Variants in RAPGEF1 observed in about 807,000 individuals in gnomAD.
RAPGEF1 encodes the protein CRK SH3-binding GNRP.
A neutral mutation model predicts 143.3 loss-of-function variants in RAPGEF1; 33 were observed. The observed-to-expected ratio is 0.23, with a 90% CI of 0.17 to 0.31. The LOEUF is 0.31. Among genes scored for constraint, RAPGEF1 ranks in the 10% least tolerant of loss-of-function variants. The probability of loss-of-function intolerance (pLI) is 1.00; values close to 1 mark genes in which losing one functional copy is unlikely to be tolerated. For synonymous variants in RAPGEF1, 629 were observed against 676.5 expected, an observed-to-expected ratio of 0.93 and a Z score of 1.09; for missense variants, 1,199 against 1,645.4, an observed-to-expected ratio of 0.73 and a Z score of 4.69.
intron 1 of RAPGEF1, among the ~76,000 whole-genome samples, chr9:131,696,724 T>C (rs1834210914): frequency 6.6e-6 from 1 of 152,238 alleles, no homozygotes; most frequent in Non-Finnish European, 1.5e-5. Context: ...AGTAGGTGTC[T>C]GATAAATACA....
At chr9:131,599,228 C>T (rs1209487766) in intron 15 of RAPGEF1, among the ~76,000 whole-genome samples, 1 of 151,818 alleles carries the variant, frequency 6.6e-6, no homozygotes. Context: ...GGGCTCAAGC[C>T]ATCCTCCCAC....
chr9:131,631,397 C>T (rs553038174), intron 5 of RAPGEF1, among the ~76,000 whole-genome samples: 7 of 152,340 alleles, frequency 4.6e-5, no homozygotes, highest in Middle Eastern at 3.4e-3. Flanking sequence ...TTGCCTGCTC[C>T]GTCCCCCGAG....
chr9:131,710,900 G>T (rs911587857), intron 1 of RAPGEF1, among the ~76,000 whole-genome samples: 2 of 152,142 alleles, frequency 1.3e-5, no homozygotes, highest in African/African-American at 2.4e-5. Context: ...GGCTTTGCCA[G>T]TTGAGCACAG....
At chr9:131,658,400 T>C (rs1973104857) in intron 1 of RAPGEF1, among the ~76,000 whole-genome samples, 2 of 152,206 alleles carry the variant, frequency 1.3e-5, no homozygotes. Context: ...CTATCTAATC[T>C]GTGAGAGCAA....
At position 131,675,186 on chromosome 9, in the gene RAPGEF1, G is replaced by A. The variant is rs1832112098; in HGVS notation, c.62-24237C>T. On this transcript the variant is annotated intron_variant, in intron 1 of 26. Transcript: ENST00000683357. The surrounding 1 kb of genome is among the most constrained non-coding windows in gnomAD (Gnocchi z 4.6). ...TGGCTAGATTTGCTGCACTTGGCTG[G>A]ATTTGCGCTGTATTTCTCGTGGGGA... Among the ~76,000 whole-genome samples, 1 of 152,156 alleles carries A rather than the reference G, an allele frequency of 6.6e-6. No individual in the cohort carries two copies.
intron 25 of RAPGEF1, among the ~76,000 whole-genome samples, chr9:131,580,809 G>A (rs1377596934): frequency 2.0e-5 from 3 of 152,150 alleles, no homozygotes; most frequent in Admixed American, 6.5e-5. Flanking sequence ...TGTAATCCCA[G>A]TACTATAGGA....
chr9:131,672,698 G>A (rs1385533761), intron 1 of RAPGEF1, among the ~76,000 whole-genome samples: 2 of 152,310 alleles, frequency 1.3e-5, no homozygotes, highest in East Asian at 3.9e-4. Flanking sequence ...CTTTGACTTC[G>A]ACAGCAGGGG....
chr9:131,708,120 T>C (rs1835214610), intron 1 of RAPGEF1, among the ~76,000 whole-genome samples: 1 of 152,246 alleles, frequency 6.6e-6, no homozygotes, highest in Non-Finnish European at 1.5e-5. Flanking sequence ...TCCCACCTAC[T>C]TTCTTTTTAA....
At chr9:131,607,728 G>C (rs961099983) in intron 12 of RAPGEF1, among the ~76,000 whole-genome samples, 1 of 152,092 alleles carries the variant, frequency 6.6e-6, no homozygotes, top group East Asian at 1.9e-4. Context: ...CCCTCACCTT[G>C]CCTTGCTGCT....
At chr9:131,712,425 A>AAC (rs1211166155) in intron 1 of RAPGEF1, among the ~76,000 whole-genome samples, 2 of 152,176 alleles carry the variant, frequency 1.3e-5, no homozygotes, top group African/African-American at 4.8e-5. Context: ...ATCCATAAAC[A>AAC]ACCTCTCCTC....
intron 1 of RAPGEF1, among the ~76,000 whole-genome samples, chr9:131,694,454 A>G (rs1211550736): frequency 6.6e-6 from 1 of 152,242 alleles, no homozygotes; most frequent in African/African-American, 2.4e-5. Flanking sequence ...TGTGCCAAAT[A>G]CTACTTGACA....
intron 3 of RAPGEF1, among the ~76,000 whole-genome samples, chr9:131,644,771 C>T (rs1306301611): frequency 6.6e-6 from 1 of 151,982 alleles, no homozygotes. Context: ...CAGGACCAGC[C>T]TGGGCAACAT....
intron 5 of RAPGEF1, among the ~76,000 whole-genome samples, chr9:131,632,999 C>T (rs968000934): frequency 1.3e-5 from 2 of 152,224 alleles, no homozygotes; most frequent in African/African-American, 4.8e-5. Context: ...TGAGCCACCA[C>T]GCTCAGCCAG....
Position 131,584,636 on chromosome 9 carries a change from AG to A in RAPGEF1, c.3234-41del, listed in dbSNP as rs772295256. Reference sequence around the variant, plus strand: ...GGAAAAAGAAACAGCTGAGTTGACAAGTCCCTGCAGGTCCCAGGGGTCCTGG... The same window carrying A: ...GGAAAAAGAAACAGCTGAGTTGACAATCCCTGCAGGTCCCAGGGGTCCTGG... On this transcript the variant is annotated intron_variant, in intron 22 of 26. Transcript: ENST00000683357. This position sits in a 1 kb window ranked among gnomAD's most constrained non-coding sequence, Gnocchi z 6.8. 6.9e-6 allele frequency: 11 copies of A among 1,604,210 alleles called. No individual in the cohort carries two copies. Among genetic ancestry groups the A allele is most frequent in the Non-Finnish European group, 9.4e-6 (11 of 1,171,230 alleles).
Position 131,657,885 on chromosome 9 carries a change from C to T in RAPGEF1, c.62-6936G>A, listed in dbSNP as rs147766802. Among the ~76,000 whole-genome samples the T allele has an allele frequency of 2.7e-3, 404 of 152,278 alleles. 1 individual carries two copies. Among genetic ancestry groups the T allele is most frequent in the Admixed American group, 4.8e-3 (73 of 15,298 alleles). ...ACAGTTTAACTTATAAGTTTGTGAA[C>T]GTTACCTAAGTGATGGCATATTGTA... On this transcript the variant is annotated intron_variant, in intron 1 of 26. Coordinates refer to ENST00000683357, the MANE Select transcript of RAPGEF1 (RefSeq NM_001377935.1).
chr9:131,593,410 C>T (rs935916389), intron 17 of RAPGEF1, among the ~76,000 whole-genome samples: 1 of 152,226 alleles, frequency 6.6e-6, no homozygotes, highest in African/African-American at 2.4e-5. Context: ...TGCAGCCACC[C>T]CCCGTGCCTG....
rs141869668 is a variant in RAPGEF1 at position 131,671,287 on chromosome 9, G to A, written c.62-20338C>T. ...CCTCCACAGGAGGCAGCCTCCTGCC[G>A]TCTGTCTGAAGGCCTACATCTCAGC... On this transcript the variant is annotated intron_variant, in intron 1 of 26. Transcript: ENST00000683357. Among the ~76,000 whole-genome samples, 55 of 152,350 alleles carry A rather than the reference G, an allele frequency of 3.6e-4. 1 individual carries two copies. Among genetic ancestry groups the A allele is most frequent in the African/African-American group, 9.1e-4 (38 of 41,580 alleles).
At chr9:131,580,157 C>T in intron 26 of RAPGEF1, 106 bp downstream of exon 26, 1 of 1,445,962 alleles carries the variant, frequency 6.9e-7, no homozygotes, top group Non-Finnish European at 9.4e-7. Flanking sequence ...TGGCAGGTCC[C>T]TGGGTCCTCT....
At chr9:131,662,692 C>T (rs773663646) in intron 1 of RAPGEF1, among the ~76,000 whole-genome samples, 29 of 152,036 alleles carry the variant, frequency 1.9e-4, no homozygotes, top group Non-Finnish European at 3.5e-4. Context: ...GCATGAATCA[C>T]CATGCCTGGC....
Sources: gnomAD v4.1 joint callset for allele counts (sites outside exome capture counted in the v4.1 genomes callset) on GRCh38, gnomAD v4.1.1 for gene constraint, Gnocchi (gnomAD v3.1) non-coding constraint, MANE v1.5 for transcripts, NCBI Gene and HGNC (gene_info 2026-07-23, HGNC 2026-07-21) for gene names.